Variants in CCDC171 observed in about 807,000 individuals in gnomAD.
The protein encoded by CCDC171 is coiled-coil domain-containing protein 171.
CCDC171 carries 177 observed loss-of-function variants against 168.2 expected under a neutral mutation model. The ratio of observed to expected loss-of-function variants is 1.05; its 90% CI spans 0.93 to 1.19. CCDC171 has a LOEUF of 1.19. CCDC171 is among the 50% of genes most tolerant of loss of function. CCDC171 has a pLI of 0.00. For synonymous variants in CCDC171, 687 were observed against 540.8 expected (o/e 1.27, Z -3.75); for missense variants, 1,991 against 1,539.0 (o/e 1.29, Z -4.91).
In CCDC171 at chr9:15,744,293, A is replaced by G; in HGVS notation, c.2070A>G (p.Glu690=). 1 of 1,584,048 alleles carries G rather than the reference A, an allele frequency of 6.3e-7. No homozygotes were observed. The highest frequency in any genetic ancestry group is 2.2e-5 in the East Asian group (1 of 44,522). ...KRAQKFQEIA[E]KNMEKLNHIE... ...CATAGAAATTTCAAGAAATTGCTGA[A>G]AAAAACATGGAAAAATTGAACCATA... The change falls in exon 17 of 26, where the codon GAA becomes GAG. Residue 690 remains glutamate (E), a synonymous_variant. Coordinates refer to ENST00000380701, the MANE Select transcript of CCDC171 (RefSeq NM_173550.4).
chr9:15,755,713 A>G (rs190731604), intron 18 of CCDC171, among the ~76,000 whole-genome samples: 1 of 152,366 alleles, frequency 6.6e-6, no homozygotes, highest in Admixed American at 6.5e-5. Context: ...CACATATTGC[A>G]TGATTCCATT....
At chr9:16,030,550 T>A (rs1452217883) in intron 6 of CCDC171, among the ~76,000 whole-genome samples, 2 of 152,202 alleles carry the variant, frequency 1.3e-5, no homozygotes, top group African/African-American at 2.4e-5. Flanking sequence ...AATATGAACA[T>A]TTGATATGCA....
chr9:15,703,723 A>G (rs942787077), intron 11 of CCDC171, among the ~76,000 whole-genome samples: 1 of 152,240 alleles, frequency 6.6e-6, no homozygotes, highest in African/African-American at 2.4e-5. Context: ...ATGGGATTGA[A>G]GATATCTCTG....
At chr9:15,948,301 T>C (rs1249475427) in intron 25 of CCDC171, among the ~76,000 whole-genome samples, 1 of 145,968 alleles carries the variant, frequency 6.9e-6, no homozygotes, top group African/African-American at 2.5e-5. Flanking sequence ...TGCATGTGTC[T>C]TTATAGCAGC....
intron 4 of CCDC171, among the ~76,000 whole-genome samples, chr9:15,580,407 G>A (rs2041015522): frequency 6.6e-6 from 1 of 152,104 alleles, no homozygotes; most frequent in Admixed American, 6.6e-5. Flanking sequence ...AAACTAAAAA[G>A]CTTTTGCACA....
At chr9:15,968,245 A>G (rs1412661534) in intron 25 of CCDC171, among the ~76,000 whole-genome samples, 1 of 152,194 alleles carries the variant, frequency 6.6e-6, no homozygotes, top group African/African-American at 2.4e-5. Context: ...AACTGCCTAA[A>G]TTTAGATTTA....
chr9:15,690,939 A>T (rs970405054), intron 10 of CCDC171, among the ~76,000 whole-genome samples: 32 of 152,312 alleles, frequency 2.1e-4, no homozygotes, highest in African/African-American at 7.7e-4. Context: ...ATAAGTTGAT[A>T]ATGCCTACTA....
rs531985851 is a variant in CCDC171, at chr9:15,865,354, C to G, written c.3469-9178C>G. Among the ~76,000 whole-genome samples the G allele has an allele frequency of 6.0e-5, 9 of 149,330 alleles. No homozygotes were observed. In the East Asian group the frequency reaches 1.6e-3, roughly 26 times the overall value. On this transcript the variant is annotated intron_variant, in intron 23 of 25. Transcript: ENST00000380701. Reference sequence around the variant, plus strand: ...ATACATACATACATATATATACACACACACATATATATATGTATATTTGTC... The same window carrying G: ...ATACATACATACATATATATACACAGACACATATATATATGTATATTTGTC...
chr9:16,064,117 C>T (rs1351897084), downstream of CCDC171, among the ~76,000 whole-genome samples: 1 of 152,204 alleles, frequency 6.6e-6, no homozygotes, highest in Non-Finnish European at 1.5e-5. Context: ...ATTAGGCCAC[C>T]TCCAACCTAA....
chr9:15,565,465 C>T (rs544593577), intron 2 of CCDC171, among the ~76,000 whole-genome samples: 147 of 152,222 alleles, frequency 9.7e-4, no homozygotes, highest in African/African-American at 3.3e-3. Context: ...ACTGTAGGCA[C>T]GCACCATTGC....
At chr9:15,873,526 A>C (rs188755408) in intron 23 of CCDC171, among the ~76,000 whole-genome samples, 1 of 152,056 alleles carries the variant, frequency 6.6e-6, no homozygotes, top group South Asian at 2.1e-4. Context: ...ATATGGTAAC[A>C]AATAGATAAA....
At chr9:15,804,519 T>C (rs945651706) in intron 21 of CCDC171, among the ~76,000 whole-genome samples, 12 of 152,040 alleles carry the variant, frequency 7.9e-5, no homozygotes, top group African/African-American at 2.2e-4. Context: ...GTTCTGCTTA[T>C]GTGATGAATC....
intron 3 of CCDC171, among the ~76,000 whole-genome samples, chr9:15,988,869 C>T (rs1219128917): frequency 1.3e-5 from 2 of 152,138 alleles, no homozygotes; most frequent in Non-Finnish European, 2.9e-5. Flanking sequence ...AAAGCGGCAG[C>T]AGGGCTGGGG....
At chr9:15,692,739 G>T (rs1176797537) in intron 10 of CCDC171, among the ~76,000 whole-genome samples, 1 of 151,660 alleles carries the variant, frequency 6.6e-6, no homozygotes, top group Non-Finnish European at 1.5e-5. Flanking sequence ...GTGTTAGCCC[G>T]TATGATGTGG....
At chr9:15,692,453 A>G (rs1054204295) in intron 10 of CCDC171, among the ~76,000 whole-genome samples, 1 of 152,212 alleles carries the variant, frequency 6.6e-6, no homozygotes, top group South Asian at 2.1e-4. Context: ...TGATGATAGA[A>G]AAAGGTTCTA....
intron 21 of CCDC171, among the ~76,000 whole-genome samples, chr9:15,826,895 A>G (rs1021614283): frequency 5.3e-5 from 8 of 152,222 alleles, no homozygotes; most frequent in Admixed American, 3.3e-4. Flanking sequence ...GGAACACATG[A>G]CATATTGTTC....
At chr9:15,647,008 A>T (rs2047095842) in intron 7 of CCDC171, among the ~76,000 whole-genome samples, 1 of 152,168 alleles carries the variant, frequency 6.6e-6, no homozygotes, top group African/African-American at 2.4e-5. Flanking sequence ...GAAGTAAAGC[A>T]CTCCTCAGCA....
chr9:16,014,590 G>A (rs376663404), intron 3 of CCDC171, among the ~76,000 whole-genome samples: 134 of 152,246 alleles, frequency 8.8e-4, no homozygotes, highest in African/African-American at 3.0e-3. Context: ...CTTATGAAAT[G>A]TATTTCTTAA....
intron 6 of CCDC171, among the ~76,000 whole-genome samples, chr9:15,621,599 G>C (rs1457924121): frequency 6.6e-6 from 1 of 152,172 alleles, no homozygotes; most frequent in African/African-American, 2.4e-5. Flanking sequence ...AGACCAGTCA[G>C]AATGGCTATT....
Sources: allele counts gnomAD v4.1 joint callset (sites outside exome capture counted in the v4.1 genomes callset), GRCh38; gene constraint gnomAD v4.1.1; transcripts MANE v1.5; gene names NCBI Gene and HGNC (gene_info 2026-07-23, HGNC 2026-07-21).